Variants in EYS observed in about 807,000 individuals in gnomAD.
EYS encodes EGF-like photoreceptor maintenance factor.
EYS carries 250 observed loss-of-function variants against 282.1 expected under a neutral mutation model. That is an observed-to-expected ratio of 0.89 (90% confidence interval 0.80 to 0.98). The LOEUF (loss-of-function observed/expected upper bound fraction) is 0.98, where lower values mean the gene tolerates loss of function less well. EYS is among the 50% of genes least tolerant of loss of function. EYS has a pLI of 0.00. For missense variants in EYS, 4,016 were observed against 3,709.0 expected, an observed-to-expected ratio of 1.08 and a Z score of -2.15; for synonymous variants, 1,355 against 1,282.9, an observed-to-expected ratio of 1.06 and a Z score of -1.20.
intron 29 of EYS, among the ~76,000 whole-genome samples, chr6:64,341,234 C>A (rs1771096703): frequency 6.6e-6 from 1 of 151,608 alleles, no homozygotes; most frequent in Admixed American, 6.6e-5. Flanking sequence ...GTCATTATAC[C>A]AAAAAGACAC....
chr6:65,386,656 CT>C, intron 7 of EYS, among the ~76,000 whole-genome samples: 1 of 151,934 alleles, frequency 6.6e-6, no homozygotes, highest in East Asian at 1.9e-4. Context: ...CAACATGGAC[CT>C]TTTTAATAAA....
chr6:63,735,848 T>A (rs1363218546), intron 41 of EYS, among the ~76,000 whole-genome samples: 1 of 152,164 alleles, frequency 6.6e-6, no homozygotes, highest in Non-Finnish European at 1.5e-5. Context: ...TTTTCCATAT[T>A]CTTGACAGTT....
Position 65,213,094 on chromosome 6 carries a change from A to C in EYS, c.2023+82769T>G, listed in dbSNP as rs144175149. Among the ~76,000 whole-genome samples, 785 of 152,258 alleles carry C rather than the reference A, an allele frequency of 5.2e-3. 6 individuals carry two copies. Among genetic ancestry groups the C allele is most frequent in the African/African-American group, 0.018 (754 of 41,554 alleles). On this transcript the variant is annotated intron_variant, in intron 12 of 42. Coordinates refer to ENST00000503581, the MANE Select transcript of EYS (RefSeq NM_001142800.2). ...GAGGCATGTTATTTTATAGTCAGAA[A>C]CACTTCTTTTAAACAAAATTAGCAT... is the stretch of plus-strand genomic sequence containing the variant.
At position 65,419,808 on chromosome 6, in the gene EYS, G is replaced by T. The variant is rs112561100; in HGVS notation, c.863-14441C>A. On this transcript the variant is annotated intron_variant, in intron 5 of 42. Transcript: ENST00000503581. The stretch of plus-strand genomic sequence containing the variant: ...CATATCCTGGAGCTATTGCAGGTAG[G>T]TTTCCAGATCACTACAATAAAGTCA... 2.8e-3 allele frequency among the ~76,000 whole-genome samples: 431 copies of T among 152,014 alleles called. 1 individual carries two copies. The highest frequency in any genetic ancestry group is 8.9e-3 in the African/African-American group (368 of 41,520).
At chr6:63,939,174 C>T (rs1281813606) in intron 35 of EYS, among the ~76,000 whole-genome samples, 1 of 150,546 alleles carries the variant, frequency 6.6e-6, no homozygotes, top group Non-Finnish European at 1.5e-5. Flanking sequence ...TGACTCAGCT[C>T]AGAAATGAAA....
At chr6:63,745,208 A>G (rs1210645328) in intron 41 of EYS, among the ~76,000 whole-genome samples, 1 of 152,230 alleles carries the variant, frequency 6.6e-6, no homozygotes, top group African/African-American at 2.4e-5. Flanking sequence ...ATCACTTCAT[A>G]TGTAAAAGGA....
intron 10 of EYS, among the ~76,000 whole-genome samples, chr6:65,336,672 A>C (rs1036340516): frequency 6.6e-6 from 1 of 151,532 alleles, no homozygotes; most frequent in Non-Finnish European, 1.5e-5. Context: ...ACTGATAGTA[A>C]AGCTTTACTG....
chr6:64,277,023 A>G (rs1768137390), intron 30 of EYS, among the ~76,000 whole-genome samples: 1 of 152,156 alleles, frequency 6.6e-6, no homozygotes, highest in Admixed American at 6.5e-5. Context: ...TCAAAACAAT[A>G]TATTCTATGG....
chr6:63,810,790 C>T (rs773785108), intron 36 of EYS, among the ~76,000 whole-genome samples: 11 of 152,182 alleles, frequency 7.2e-5, no homozygotes, highest in Non-Finnish European at 1.2e-4. Flanking sequence ...TTCCCAGCCT[C>T]TAAAATGGCT....
At chr6:65,171,258 C>G (rs1323585089) in intron 12 of EYS, among the ~76,000 whole-genome samples, 1 of 151,584 alleles carries the variant, frequency 6.6e-6, no homozygotes, top group African/African-American at 2.4e-5. Context: ...TCTAATTACC[C>G]TTACAATTTA....
chr6:63,838,651 G>A (rs1470892530), intron 36 of EYS, among the ~76,000 whole-genome samples: 1 of 152,256 alleles, frequency 6.6e-6, no homozygotes, highest in East Asian at 1.9e-4. Flanking sequence ...GGTGAGAGAG[G>A]AAGGCCAGTG....
At chr6:63,887,314 GTTTTT>G (rs35622877) in intron 35 of EYS, among the ~76,000 whole-genome samples, 4 of 120,242 alleles carry the variant, frequency 3.3e-5, no homozygotes, top group East Asian at 2.5e-4. Flanking sequence ...AATAAAAGGT[GTTTTT>G]TTTTTTTTTT....
chr6:65,602,643 TA>T (rs1423954647), intron 2 of EYS, among the ~76,000 whole-genome samples: 1 of 151,920 alleles, frequency 6.6e-6, no homozygotes, highest in Non-Finnish European at 1.5e-5. Flanking sequence ...GTATATTAAA[TA>T]AAAAAGACAA....
chr6:64,501,236 A>G (rs180885680), intron 26 of EYS, among the ~76,000 whole-genome samples: 7 of 152,174 alleles, frequency 4.6e-5, no homozygotes, highest in East Asian at 3.9e-4. Context: ...AGTATTCAGC[A>G]TAAGTGAAAC....
chr6:65,067,642 T>TAAAG (rs1312249405), intron 12 of EYS, among the ~76,000 whole-genome samples: 1 of 151,836 alleles, frequency 6.6e-6, no homozygotes, highest in East Asian at 1.9e-4. Context: ...CTAGGAGGAG[T>TAAAG]AAAGAGACAC....
intron 26 of EYS, among the ~76,000 whole-genome samples, chr6:64,449,101 A>T (rs1366665569): frequency 1.3e-5 from 2 of 152,066 alleles, no homozygotes; most frequent in African/African-American, 4.8e-5. Flanking sequence ...GAAGATAAAA[A>T]CTTTAAAAAA....
At chr6:65,520,662 GTATACATA>G (rs1767332088) in intron 2 of EYS, among the ~76,000 whole-genome samples, 2 of 151,260 alleles carry the variant, frequency 1.3e-5, no homozygotes, top group Middle Eastern at 3.4e-3. Flanking sequence ...GGAATATAAT[GTATACATA>G]TATACATATA....
At chr6:64,542,057 T>A (rs1180729495) in intron 26 of EYS, among the ~76,000 whole-genome samples, 2 of 152,116 alleles carry the variant, frequency 1.3e-5, no homozygotes, top group Non-Finnish European at 2.9e-5. Context: ...GGACCTGAAC[T>A]CACAGTTTGT....
chr6:65,126,463 T>C (rs1775720532), intron 12 of EYS, among the ~76,000 whole-genome samples: 2 of 152,176 alleles, frequency 1.3e-5, no homozygotes, highest in South Asian at 4.1e-4. Flanking sequence ...TGCTTGAATT[T>C]TCCATCACGT....
Sources: allele counts gnomAD v4.1 joint callset (sites outside exome capture counted in the v4.1 genomes callset), GRCh38; gene constraint gnomAD v4.1.1; transcripts MANE v1.5; gene names NCBI Gene and HGNC (gene_info 2026-07-23, HGNC 2026-07-21).